Variants in SORCS2 observed in about 807,000 individuals in gnomAD.
SORCS2 encodes the protein VPS10 domain-containing receptor SorCS2.
In SORCS2, 100 loss-of-function variants were observed where a neutral mutation model predicts 141.6. The ratio of observed to expected loss-of-function variants is 0.71; its 90% CI spans 0.60 to 0.83. The LOEUF (loss-of-function observed/expected upper bound fraction) is 0.83. Among genes scored for constraint, SORCS2 ranks in the 40% least tolerant of loss-of-function variants. SORCS2 has a pLI of 0.00. For synonymous variants in SORCS2, 789 were observed against 676.9 expected, an observed-to-expected ratio of 1.17 and a Z score of -2.57; for missense variants, 1,646 against 1,560.2, an observed-to-expected ratio of 1.05 and a Z score of -0.93.
chr4:7,664,271 A>T lies in SORCS2; in HGVS notation c.953-82A>T, dbSNP rs1188566834. The T allele has an allele frequency of 9.1e-7, 1 of 1,094,910 alleles. No individual in the cohort carries two copies. Among genetic ancestry groups the T allele is most frequent in the Non-Finnish European group, 1.3e-6 (1 of 745,216 alleles). The allele number at this position is 1,094,910 out of a possible 1,614,324, so 67.8% of individuals were successfully genotyped here. A position where few individuals can be genotyped will look rare whatever the true frequency, so the allele number is the denominator to read the frequency against. On this transcript the variant is annotated intron_variant, in intron 6 of 26. Transcript: ENST00000507866. The surrounding 1 kb of genome is among the most constrained non-coding windows in gnomAD (Gnocchi z 4.7). ...GCCACACCACAGCGGTATTGGAGGA[A>T]GATGGAGTCCAGCACATGTCTCGGG...
At chr4:7,519,520 C>G (rs1364697966) in intron 2 of SORCS2, among the ~76,000 whole-genome samples, 1 of 152,222 alleles carries the variant, frequency 6.6e-6, no homozygotes, top group East Asian at 1.9e-4. Context: ...AAGAAGCAAC[C>G]CAGCCAGTGT....
intron 3 of SORCS2, among the ~76,000 whole-genome samples, chr4:7,623,471 C>T (rs1245433631): frequency 6.6e-6 from 1 of 152,130 alleles, no homozygotes; most frequent in African/African-American, 2.4e-5. Context: ...AGTCTCTTCT[C>T]AGCCATGAGG....
At chr4:7,703,673 G>A (rs1326955384) in intron 13 of SORCS2, among the ~76,000 whole-genome samples, 2 of 152,170 alleles carry the variant, frequency 1.3e-5, no homozygotes, top group Admixed American at 6.5e-5. Context: ...TGCAGGGATT[G>A]GGACCAGGTG....
Position 7,692,895 on chromosome 4 carries a change from G to A in SORCS2, c.1591+3307G>A, listed in dbSNP as rs548693079. Among the ~76,000 whole-genome samples, 193 of 152,276 alleles carry A rather than the reference G, an allele frequency of 1.3e-3. 1 individual carries two copies. The highest frequency in any genetic ancestry group is 4.5e-3 in the African/African-American group (187 of 41,554). ...TTCCAGTCTCTGGGGCCCATCCTCAGGTCCAGCCTCCAGAGGTCAGACTGC... is the reference window on the plus strand; with the variant it reads ...TTCCAGTCTCTGGGGCCCATCCTCAAGTCCAGCCTCCAGAGGTCAGACTGC... On this transcript the variant is annotated intron_variant, in intron 11 of 26. Coordinates refer to ENST00000507866, the MANE Select transcript of SORCS2 (RefSeq NM_020777.3).
intron 5 of SORCS2, 108 bp downstream of exon 5, chr4:7,654,315 C>G: frequency 1.8e-6 from 2 of 1,135,950 alleles, no homozygotes; most frequent in East Asian, 2.6e-5. Flanking sequence ...CTCCTCTGGA[C>G]CCTCCCCATC....
intron 1 of SORCS2, among the ~76,000 whole-genome samples, chr4:7,316,765 A>C (rs1276066241): frequency 6.6e-6 from 1 of 152,162 alleles, no homozygotes; most frequent in Non-Finnish European, 1.5e-5. Context: ...AGCCATTCTG[A>C]ATGTGTTACC....
chr4:7,409,770 T>C (rs571536636), intron 2 of SORCS2, among the ~76,000 whole-genome samples: 1 of 152,338 alleles, frequency 6.6e-6, no homozygotes, highest in African/African-American at 2.4e-5. Context: ...TCTCTGTGGC[T>C]CTGGGAACAG....
At chr4:7,454,942 AGGAGCTGTGTGTTGGGGTCAGGT>A (rs1728779017) in intron 2 of SORCS2, among the ~76,000 whole-genome samples, 1 of 123,236 alleles carries the variant, frequency 8.1e-6, no homozygotes, top group Non-Finnish European at 1.7e-5. Context: ...TGTTGGGGTC[AGGAGCTGTGTGTTGGGGTCAGGT>A]GCTGTATTGG....
At chr4:7,248,135 A>G (rs1713243506) in intron 1 of SORCS2, among the ~76,000 whole-genome samples, 1 of 152,182 alleles carries the variant, frequency 6.6e-6, no homozygotes, top group African/African-American at 2.4e-5. Context: ...TTAGCCACCG[A>G]CTGTGTGTGG....
chr4:7,612,407 C>T (rs928340034), intron 3 of SORCS2, among the ~76,000 whole-genome samples: 2 of 152,220 alleles, frequency 1.3e-5, no homozygotes, highest in African/African-American at 2.4e-5. Flanking sequence ...CCTGCTCCCT[C>T]GGTCCTTCTG....
chr4:7,434,753 A>G (rs774214812), intron 2 of SORCS2: 2 of 1,613,026 alleles, frequency 1.2e-6, no homozygotes, highest in Non-Finnish European at 8.5e-7. Context: ...ACAGCCCCGC[A>G]CCTGGCAGCT....
intron 4 of SORCS2, among the ~76,000 whole-genome samples, chr4:7,646,239 C>T (rs1721065801): frequency 6.6e-6 from 1 of 152,132 alleles, no homozygotes; most frequent in African/African-American, 2.4e-5. Flanking sequence ...GGCCGGCAGG[C>T]TGGGGACAGT....
At chr4:7,455,111 A>G (rs1217560423) in intron 2 of SORCS2, among the ~76,000 whole-genome samples, 13 of 24,648 alleles carry the variant, frequency 5.3e-4, no homozygotes, top group Non-Finnish European at 7.4e-4. Context: ...TGGGGTCAGG[A>G]GCTGTGTGTT....
rs1721562704 is a variant in SORCS2 at position 7,653,466 on chromosome 4, C to A, written c.814-668C>A. ...CCATGTTGGTCAGGCTGGTCTCGAA[C>A]TCCCAACCTCATGTGATCCGCCCGC... On this transcript the variant is annotated intron_variant, in intron 4 of 26. Transcript: ENST00000507866. Among the ~76,000 whole-genome samples the A allele has an allele frequency of 2.0e-5, 3 of 152,096 alleles. No homozygotes were observed. In the South Asian group the frequency reaches 6.2e-4, roughly 32 times the overall value.
intron 1 of SORCS2, among the ~76,000 whole-genome samples, chr4:7,234,553 C>T (rs1289006904): frequency 2.0e-5 from 3 of 152,230 alleles, no homozygotes; most frequent in Non-Finnish European, 4.4e-5. Flanking sequence ...GGCTGGGAGG[C>T]TGATGCTCTC....
intron 2 of SORCS2, among the ~76,000 whole-genome samples, chr4:7,418,506 A>C (rs984975239): frequency 6.6e-6 from 1 of 152,162 alleles, no homozygotes; most frequent in Non-Finnish European, 1.5e-5. Flanking sequence ...CGCGAGGTGG[A>C]GTTGGCAGGG....
chr4:7,677,320 C>A (rs1723230544), intron 9 of SORCS2, among the ~76,000 whole-genome samples: 1 of 152,244 alleles, frequency 6.6e-6, no homozygotes, highest in Non-Finnish European at 1.5e-5. Context: ...CCCGGCCAGG[C>A]CGCTCACAGG....
chr4:7,739,219 G>A (rs1030342423), intron 26 of SORCS2, among the ~76,000 whole-genome samples: 10 of 152,174 alleles, frequency 6.6e-5, no homozygotes, highest in East Asian at 1.9e-4. Context: ...TGTGCCCCCC[G>A]AAGGCCCCGG....
At chr4:7,300,438 A>G (rs1368820331) in intron 1 of SORCS2, among the ~76,000 whole-genome samples, 1 of 152,032 alleles carries the variant, frequency 6.6e-6, no homozygotes, top group Non-Finnish European at 1.5e-5. Flanking sequence ...TAGCTTCTGC[A>G]CCACTCTCAC....
Sources: gnomAD v4.1 joint callset for allele counts (sites outside exome capture counted in the v4.1 genomes callset) on GRCh38, gnomAD v4.1.1 for gene constraint, Gnocchi (gnomAD v3.1) non-coding constraint, MANE v1.5 for transcripts, NCBI Gene and HGNC (gene_info 2026-07-23, HGNC 2026-07-21) for gene names.